The following UNC93A variants were observed in gnomAD, a reference collection of about 807,000 sequenced individuals.
UNC93A encodes the protein unc-93 homolog A.
In UNC93A, 43 loss-of-function variants were observed where a neutral mutation model predicts 47.5. The ratio of observed to expected loss-of-function variants is 0.91; its 90% confidence interval spans 0.71 to 1.17. UNC93A has a LOEUF of 1.17. Among genes scored for constraint, UNC93A ranks in the 50% most tolerant of loss-of-function variants. UNC93A has a pLI of 0.00. For missense variants in UNC93A, 605 were observed against 577.6 expected (o/e 1.05, Z -0.49); for synonymous variants, 280 against 258.0 (o/e 1.09, Z -0.82).
At chr6:167,286,061 A>T (rs1783726630) in intron 1 of UNC93A, among the ~76,000 whole-genome samples, 2 of 145,914 alleles carry the variant, frequency 1.4e-5, no homozygotes, top group South Asian at 4.2e-4. Context: ...ATATTCACAT[A>T]TGGCTATATG....
At chr6:167,286,744 G>A (rs113558181), upstream of UNC93A, among the ~76,000 whole-genome samples, 2,922 of 152,142 alleles carry the variant, frequency 0.019, 104 homozygotes, top group African/African-American at 0.067. Context: ...TTGGGAGGCC[G>A]AGGCGGGCGG....
At chr6:167,315,022 G>A (rs954819865) in intron 7 of UNC93A, among the ~76,000 whole-genome samples, 165 bp from the exon 8 acceptor site, 5 of 152,126 alleles carry the variant, frequency 3.3e-5, no homozygotes, top group South Asian at 2.1e-4. Flanking sequence ...TCAGGTTTTC[G>A]GGGTTCATGC....
At chr6:167,301,307 T>C (rs766659916) in intron 4 of UNC93A, among the ~76,000 whole-genome samples, 1 of 152,236 alleles carries the variant, frequency 6.6e-6, no homozygotes. Context: ...CTAGAAGTTA[T>C]GTAGAGCAGA....
intron 1 of UNC93A, among the ~76,000 whole-genome samples, chr6:167,283,227 C>T (rs1079499): frequency 0.13 from 19,852 of 152,076 alleles, 1,678 homozygotes; most frequent in South Asian, 0.28. Flanking sequence ...TAAAATATTT[C>T]GATTTCTTTC....
chr6:167,292,515 C>A (rs1349497334), intron 1 of UNC93A, among the ~76,000 whole-genome samples: 1 of 152,178 alleles, frequency 6.6e-6, no homozygotes, highest in Non-Finnish European at 1.5e-5. Context: ...GAATTCAGTC[C>A]TGAATTCTCA....
At chr6:167,312,626 C>T (rs545800326) in intron 7 of UNC93A, among the ~76,000 whole-genome samples, 1 of 152,340 alleles carries the variant, frequency 6.6e-6, no homozygotes, top group African/African-American at 2.4e-5. Context: ...TCGCTCCATT[C>T]TCCGGCAGCC....
intron 7 of UNC93A, among the ~76,000 whole-genome samples, chr6:167,313,706 G>A (rs888897693): frequency 6.6e-6 from 1 of 152,054 alleles, no homozygotes. Flanking sequence ...ACCTGCCCAG[G>A]GTGTAGCCGG....
chr6:167,305,633 A>G (rs112667619), intron 5 of UNC93A, among the ~76,000 whole-genome samples: 3 of 152,254 alleles, frequency 2.0e-5, no homozygotes, highest in African/African-American at 7.2e-5. Context: ...TGGCTTCCAT[A>G]TAAAATAGTG....
rs944557828 is a variant in UNC93A at position 167,304,112 on chromosome 6, C to G, written c.819C>G (p.Phe273Leu). The G allele has an allele frequency of 1.2e-6, 2 of 1,614,070 alleles. No homozygotes were observed. The highest frequency in any genetic ancestry group is 2.7e-5 in the African/African-American group (2 of 74,898). Residue 273 changes from phenylalanine to leucine, a missense_variant, in exon 5 of 8, where the codon TTC (phenylalanine) becomes TTG (leucine). Coordinates refer to ENST00000230256, the MANE Select transcript of UNC93A (RefSeq NM_018974.4). ...LPLYSGLQQG[F>L]LSSEYTRSYV... ...TGTACAGTGGATTGCAGCAAGGATT[C>G]CTCTCCAGCGAATACACAAGGGTAT...
chr6:167,287,730 CGTGTGTGCATGCGT>C (rs1422947405), upstream of UNC93A, among the ~76,000 whole-genome samples: 2 of 150,126 alleles, frequency 1.3e-5, no homozygotes, highest in African/African-American at 5.0e-5. Flanking sequence ...TGTGTGCATG[CGTGTGTGCATGCGT>C]GTGTGTGTGT....
chr6:167,310,413 C>T (rs1282687218), intron 7 of UNC93A, among the ~76,000 whole-genome samples: 1 of 152,296 alleles, frequency 6.6e-6, no homozygotes, highest in African/African-American at 2.4e-5. Context: ...ACATGATACT[C>T]TCAGGGAAAG....
chr6:167,294,755 G>A (rs993309067), intron 2 of UNC93A, 57 bp downstream of exon 2: 40 of 1,507,840 alleles, frequency 2.7e-5, no homozygotes, highest in Middle Eastern at 1.9e-4. Context: ...CGCTAGGGAC[G>A]TTCACTCTGC....
chr6:167,277,623 C>G (rs1783564999), intron 1 of UNC93A, among the ~76,000 whole-genome samples: 2 of 151,616 alleles, frequency 1.3e-5, no homozygotes, highest in Admixed American at 1.3e-4. Context: ...GTCTCTCTCT[C>G]TCTGACTTTC....
At chr6:167,280,001 G>A (rs1004530968) in intron 1 of UNC93A, among the ~76,000 whole-genome samples, 1 of 152,200 alleles carries the variant, frequency 6.6e-6, no homozygotes, top group African/African-American at 2.4e-5. Context: ...AATAAGCGAT[G>A]TTCTTAAGGA....
chr6:167,295,932 G>A lies in UNC93A; in HGVS notation c.270-100G>A, dbSNP rs545167798. 1.3e-5 allele frequency: 14 copies of A among 1,085,554 alleles called. No individual in the cohort carries two copies. In the East Asian group the frequency reaches 2.0e-4, roughly 16 times the overall value. The allele number at this position is 1,085,554 out of a possible 1,614,324, so 67.2% of individuals were successfully genotyped here. A position where few individuals can be genotyped will look rare whatever the true frequency, so the allele number is the denominator to read the frequency against. On this transcript the variant is annotated intron_variant, in intron 2 of 7. Transcript: ENST00000230256. ...TCACCACGCTTGCAATGGGCCAGGCGGTGGTTCCTTCTCCCAGATTGACTA... is the reference window on the plus strand; with the variant it reads ...TCACCACGCTTGCAATGGGCCAGGCAGTGGTTCCTTCTCCCAGATTGACTA...
chr6:167,298,409 G>A (rs2981965), intron 4 of UNC93A: 37,866 of 171,854 alleles, frequency 0.22, 4,406 homozygotes, highest in African/African-American at 0.3. Context: ...TCAGCAGTAC[G>A]GGGGCTGGCG....
chr6:167,313,342 C>G (rs1297632501), intron 7 of UNC93A, among the ~76,000 whole-genome samples: 1 of 150,640 alleles, frequency 6.6e-6, no homozygotes, highest in Non-Finnish European at 1.5e-5. Context: ...GATTTTGGAA[C>G]CAGAGTCAGA....
chr6:167,314,447 C>A (rs1004657204), intron 7 of UNC93A, among the ~76,000 whole-genome samples: 1 of 152,104 alleles, frequency 6.6e-6, no homozygotes, highest in African/African-American at 2.4e-5. Context: ...CCCTGCCCCC[C>A]ACCTGCCTAC....
chr6:167,287,730 CGTGTGTGCATGCGTGTGTGTGT>C (rs1472787491), upstream of UNC93A, among the ~76,000 whole-genome samples: 5 of 150,242 alleles, frequency 3.3e-5, no homozygotes, highest in African/African-American at 9.9e-5. Context: ...TGTGTGCATG[CGTGTGTGCATGCGTGTGTGTGT>C]GTGTGTGCAC....
Sources: allele counts gnomAD v4.1 joint callset (sites outside exome capture counted in the v4.1 genomes callset), GRCh38; gene constraint gnomAD v4.1.1; transcripts MANE v1.5; gene names NCBI Gene and HGNC (gene_info 2026-07-23, HGNC 2026-07-21).